Variants in WWOX observed in about 807,000 individuals in gnomAD.
WWOX encodes WW domain containing oxidoreductase.
A neutral mutation model predicts 46.2 loss-of-function variants in WWOX; 69 were observed. The ratio of observed to expected loss-of-function variants is 1.49; its 90% confidence interval spans 1.23 to 1.82. WWOX has a LOEUF of 1.82. Among genes scored for constraint, WWOX ranks in the 40% most tolerant of loss-of-function variants. The probability of loss-of-function intolerance (pLI) is 0.00; values close to 1 mark genes in which losing one functional copy is unlikely to be tolerated. For synonymous variants in WWOX, 359 were observed against 202.6 expected (o/e 1.77, Z -6.56); for missense variants, 919 against 542.6 (o/e 1.69, Z -6.89).
chr16:78,456,393 T>A (rs1323173254), intron 8 of WWOX, among the ~76,000 whole-genome samples: 2 of 151,672 alleles, frequency 1.3e-5, no homozygotes, highest in Non-Finnish European at 2.9e-5. Context: ...TAAAAAAAAT[T>A]TAATTTTGTT....
chr16:78,557,868 G>A lies in WWOX; in HGVS notation c.1056+125116G>A, dbSNP rs562372097. On this transcript the variant is annotated intron_variant, in intron 8 of 8. Transcript: ENST00000566780. ...CTACCACCATACCCAGCTAATTTTT[G>A]TATTTTTTAGTAGAAACAGTGTTTC... 1.5e-3 allele frequency among the ~76,000 whole-genome samples: 232 copies of A among 151,770 alleles called. 1 individual carries two copies. The highest frequency in any genetic ancestry group is 5.2e-3 in the African/African-American group (214 of 41,348).
chr16:78,548,758 G>C (rs1308963819), intron 8 of WWOX, among the ~76,000 whole-genome samples: 1 of 152,162 alleles, frequency 6.6e-6, no homozygotes, highest in Non-Finnish European at 1.5e-5. Context: ...GGGACTTAGT[G>C]TAATGGTTTA....
intron 8 of WWOX, among the ~76,000 whole-genome samples, chr16:78,867,958 G>A (rs2044042667): frequency 6.6e-6 from 1 of 152,176 alleles, no homozygotes; most frequent in Non-Finnish European, 1.5e-5. Context: ...ATGGTACAAT[G>A]AATTTGGAAA....
intron 8 of WWOX, among the ~76,000 whole-genome samples, chr16:78,517,824 GAAAAAA>G (rs200115908): frequency 8.0e-6 from 1 of 124,508 alleles, no homozygotes; most frequent in East Asian, 2.3e-4. Context: ...AACAAGAAGT[GAAAAAA>G]AAAAAGAATG....
chr16:78,334,859 A>AG (rs2080848559), intron 5 of WWOX, among the ~76,000 whole-genome samples: 1 of 145,360 alleles, frequency 6.9e-6, no homozygotes, highest in African/African-American at 2.6e-5. Flanking sequence ...CACACACAAA[A>AG]TCACCAAATC....
chr16:79,112,949 C>T (rs1020332286), intron 8 of WWOX, among the ~76,000 whole-genome samples: 5 of 152,168 alleles, frequency 3.3e-5, no homozygotes, highest in African/African-American at 1.2e-4. Flanking sequence ...TCTCTGCTGG[C>T]ATAGATGGCT....
chr16:78,857,218 T>A (rs959811997), intron 8 of WWOX, among the ~76,000 whole-genome samples: 1 of 152,112 alleles, frequency 6.6e-6, no homozygotes, highest in African/African-American at 2.4e-5. Flanking sequence ...TGGGCAAAGA[T>A]AATGAACAAG....
chr16:78,435,950 G>A (rs747168278), intron 8 of WWOX, among the ~76,000 whole-genome samples: 1 of 152,150 alleles, frequency 6.6e-6, no homozygotes, highest in Non-Finnish European at 1.5e-5. Context: ...GGCCACATGT[G>A]GCTATTGAGT....
rs1411356240 is a variant in WWOX, at chr16:78,524,732, T to C, written c.1056+91980T>C. Among the ~76,000 whole-genome samples the C allele has an allele frequency of 2.0e-5, 3 of 151,914 alleles. No homozygotes were observed. In the East Asian group the frequency reaches 5.8e-4, roughly 29 times the overall value. On this transcript the variant is annotated intron_variant, in intron 8 of 8. Coordinates refer to ENST00000566780, the MANE Select transcript of WWOX (RefSeq NM_016373.4). ...CCGCGCCCAGCCTGTATTTATCTTT[T>C]TAAGTAACAAAGTATTAGCATTGTG...
chr16:79,023,532 T>G (rs1434321152), intron 8 of WWOX, among the ~76,000 whole-genome samples: 2 of 152,142 alleles, frequency 1.3e-5, no homozygotes, highest in African/African-American at 4.8e-5. Flanking sequence ...GGGCGTCCTT[T>G]AAGGTCTGAA....
intron 8 of WWOX, among the ~76,000 whole-genome samples, chr16:78,702,007 T>TTATA (rs869227421): frequency 0.045 from 2,590 of 57,418 alleles, 87 homozygotes; most frequent in East Asian, 0.087. Flanking sequence ...CTACATAAAA[T>TTATA]TATATATATA....
At chr16:78,617,514 A>G (rs189920673) in intron 8 of WWOX, among the ~76,000 whole-genome samples, 10 of 152,272 alleles carry the variant, frequency 6.6e-5, no homozygotes, top group African/African-American at 2.2e-4. Flanking sequence ...GCCGAGCACA[A>G]GTGGTGGACT....
At chr16:78,287,173 A>T (rs1254675300) in intron 5 of WWOX, among the ~76,000 whole-genome samples, 1 of 152,270 alleles carries the variant, frequency 6.6e-6, no homozygotes, top group Non-Finnish European at 1.5e-5. Context: ...CAATAAAATA[A>T]AATACATTTC....
At chr16:79,081,874 T>A (rs900331717) in intron 8 of WWOX, among the ~76,000 whole-genome samples, 8 of 152,100 alleles carry the variant, frequency 5.3e-5, no homozygotes, top group Non-Finnish European at 1.0e-4. Context: ...GACCCCTTTT[T>A]CTATCCTAGT....
rs527790727 is a variant in WWOX at position 78,433,343 on chromosome 16, G to C, written c.1056+591G>C. Among the ~76,000 whole-genome samples the C allele has an allele frequency of 4.6e-5, 7 of 152,276 alleles. No homozygotes were observed. The South Asian group carries it at 1.5e-3, about 32-fold the overall frequency. The stretch of plus-strand genomic sequence containing the variant: ...GTTACATTTGGAAGTGTTTACAAAG[G>C]TGATAAGATGTTTTTATAGTTTGGT... On this transcript the variant is annotated intron_variant, in intron 8 of 8. Coordinates refer to ENST00000566780, the MANE Select transcript of WWOX (RefSeq NM_016373.4).
intron 8 of WWOX, among the ~76,000 whole-genome samples, chr16:78,633,141 A>C (rs534172593): frequency 1.3e-5 from 2 of 152,136 alleles, no homozygotes; most frequent in South Asian, 4.2e-4. Flanking sequence ...GTGTGCCTGT[A>C]ATCCCAGTTA....
At chr16:79,080,010 A>G (rs55891400) in intron 8 of WWOX, among the ~76,000 whole-genome samples, 16,241 of 152,258 alleles carry the variant, frequency 0.11, 1,080 homozygotes, top group South Asian at 0.22. Context: ...ATTTCTTACG[A>G]TACCACGCAC....
At chr16:78,714,946 A>G (rs2048527472) in intron 8 of WWOX, among the ~76,000 whole-genome samples, 1 of 152,194 alleles carries the variant, frequency 6.6e-6, no homozygotes, top group African/African-American at 2.4e-5. Flanking sequence ...TGATTGTGAT[A>G]TAATATCATG....
chr16:79,126,839 A>G (rs1355134596), intron 8 of WWOX, among the ~76,000 whole-genome samples: 5 of 152,106 alleles, frequency 3.3e-5, no homozygotes, highest in African/African-American at 9.7e-5. Context: ...GCCACAGGGA[A>G]TTTTGGAACA....
Sources: gnomAD v4.1 joint callset for allele counts (sites outside exome capture counted in the v4.1 genomes callset) on GRCh38, gnomAD v4.1.1 for gene constraint, MANE v1.5 for transcripts, NCBI Gene and HGNC (gene_info 2026-07-23, HGNC 2026-07-21) for gene names.